The following NAA60 variants were observed in gnomAD, a reference collection of about 807,000 sequenced individuals.
The protein encoded by NAA60 is N-alpha-acetyltransferase 60, NatF catalytic subunit.
NAA60 carries 8 observed loss-of-function variants against 26.1 expected under a neutral mutation model. The ratio of observed to expected loss-of-function variants is 0.31; its 90% CI spans 0.18 to 0.55. NAA60 has a LOEUF of 0.55. NAA60 is among the 20% of genes least tolerant of loss of function. The pLI is 0.93. For missense variants in NAA60, 290 were observed against 311.3 expected (o/e 0.93, Z 0.51); for synonymous variants, 131 against 122.5 (o/e 1.07, Z -0.46).
intron 1 of NAA60, among the ~76,000 whole-genome samples, chr16:3,444,130 C>T (rs539479533): frequency 6.6e-6 from 1 of 152,264 alleles, no homozygotes; most frequent in Admixed American, 6.5e-5. Context: ...GGATCCCACG[C>T]GAGAATAGAG....
intron 2 of NAA60, among the ~76,000 whole-genome samples, chr16:3,471,137 A>G (rs2036112418): frequency 6.6e-6 from 1 of 152,206 alleles, no homozygotes; most frequent in Non-Finnish European, 1.5e-5. Context: ...AGGACATGAG[A>G]GATGCGAGCT....
chr16:3,447,049 G>A (rs1047698083), intron 1 of NAA60, among the ~76,000 whole-genome samples: 1 of 151,922 alleles, frequency 6.6e-6, no homozygotes, highest in Non-Finnish European at 1.5e-5. Flanking sequence ...CCCCATATTG[G>A]CCAGGCTGGT....
At chr16:3,461,194 TAGGATTAACATTCTGCTATGAACACTA>T (rs2035369982) in intron 2 of NAA60, among the ~76,000 whole-genome samples, 1 of 152,188 alleles carries the variant, frequency 6.6e-6, no homozygotes, top group Non-Finnish European at 1.5e-5. Flanking sequence ...GGGCATATAA[TAGGATTAACATTCTGCTATGAACACTA>T]AGGCATTTGC....
intron 1 of NAA60, among the ~76,000 whole-genome samples, chr16:3,444,360 A>C (rs1363732298): frequency 6.6e-6 from 1 of 152,184 alleles, no homozygotes. Context: ...AACAGCTCAG[A>C]GTGCCTCTCT....
intron 4 of NAA60, 98 bp downstream of exon 4, chr16:3,479,698 TC>T (rs1287412584): frequency 1.4e-6 from 2 of 1,426,910 alleles, no homozygotes; most frequent in African/African-American, 2.8e-5. Context: ...ACAGCCGTCG[TC>T]CAAGGAGCCT....
At chr16:3,484,444 G>T (rs748399687) in intron 6 of NAA60, 133 of 563,508 alleles carry the variant, frequency 2.4e-4, no homozygotes, top group Non-Finnish European at 3.7e-4. Context: ...ATCCCTGGGT[G>T]TGGTGTCCAC....
intron 3 of NAA60, 28 bp from the exon 4 acceptor site, chr16:3,479,443 G>A (rs1170248049): frequency 6.2e-7 from 1 of 1,611,290 alleles, no homozygotes; most frequent in African/African-American, 1.3e-5. Context: ...CCTGTGGCAG[G>A]TTCACCTGAG....
chr16:3,447,393 C>A, intron 1 of NAA60: 1 of 852,090 alleles, frequency 1.2e-6, no homozygotes. Flanking sequence ...GTAATCACTT[C>A]AAGGTAAATG....
At chr16:3,462,019 G>A (rs2035431480) in intron 2 of NAA60, among the ~76,000 whole-genome samples, 1 of 147,278 alleles carries the variant, frequency 6.8e-6, no homozygotes, top group African/African-American at 2.6e-5. Context: ...CCCAGGAGGT[G>A]GAGGTTGCAG....
chr16:3,480,034 G>A (rs1186953894), intron 4 of NAA60, among the ~76,000 whole-genome samples: 1 of 152,092 alleles, frequency 6.6e-6, no homozygotes, highest in Non-Finnish European at 1.5e-5. Context: ...TAACTTCACA[G>A]AGCCCTTTAA....
At chr16:3,457,681 G>A (rs2150956765) in intron 2 of NAA60, among the ~76,000 whole-genome samples, 1 of 152,358 alleles carries the variant, frequency 6.6e-6, no homozygotes, top group Middle Eastern at 3.4e-3. Flanking sequence ...AGGCCCTCGC[G>A]AGCTTAGGAT....
In NAA60 at chr16:3,486,633, T is replaced by G. The variant is rs143595718; in HGVS notation, c.*1373T>G. 1.3e-5 allele frequency: 2 copies of G among 152,114 alleles called. No homozygotes were observed. Among genetic ancestry groups the G allele is most frequent in the African/African-American group, 4.8e-5 (2 of 41,366 alleles). 9.4% of individuals were successfully genotyped at this position (152,114 alleles called of 1,614,324 possible). On this transcript the variant is annotated 3_prime_UTR_variant, in exon 8 of 8. Transcript: ENST00000407558. The stretch of plus-strand genomic sequence containing the variant: ...AGGAGGGCCGCGCCATGCTGACTGC[T>G]TGAACCTCTGCTGACCTGACAGTGC...
intron 2 of NAA60, among the ~76,000 whole-genome samples, chr16:3,466,448 A>G (rs1488820283): frequency 6.6e-6 from 1 of 152,244 alleles, no homozygotes; most frequent in Non-Finnish European, 1.5e-5. Flanking sequence ...GAAACAAGCC[A>G]TGCGCAGTGT....
intron 1 of NAA60, among the ~76,000 whole-genome samples, chr16:3,444,920 C>T (rs2034489163): frequency 6.6e-6 from 1 of 152,220 alleles, no homozygotes; most frequent in Non-Finnish European, 1.5e-5. Context: ...CCTTGATAAT[C>T]TACCTGCACA....
intron 1 of NAA60, among the ~76,000 whole-genome samples, chr16:3,444,246 C>G (rs2034460085): frequency 6.6e-6 from 1 of 152,046 alleles, no homozygotes; most frequent in Non-Finnish European, 1.5e-5. Flanking sequence ...AGGGAGTGCC[C>G]TGGTGTAGGC....
At chr16:3,482,904 G>A (rs1478752850) in intron 5 of NAA60, 1 of 516,896 alleles carries the variant, frequency 1.9e-6, no homozygotes, top group South Asian at 2.2e-5. Flanking sequence ...GCCGCCACAC[G>A]CACAACTCGT....
Position 3,482,617 on chromosome 16 carries a change from G to C in NAA60, c.337+19G>C, listed in dbSNP as rs773161851. On this transcript the variant is annotated intron_variant, in intron 5 of 7. Transcript: ENST00000407558. ...GGCATAGGTAAGGGCAGCCGGGCCCGCGGCTTGGCGCCCACCCCACCCCCT... is the reference window on the plus strand; with the variant it reads ...GGCATAGGTAAGGGCAGCCGGGCCCCCGGCTTGGCGCCCACCCCACCCCCT... The C allele has an allele frequency of 5.1e-6, 8 of 1,554,100 alleles. No individual in the cohort carries two copies. In the East Asian group the frequency reaches 1.9e-4, roughly 37 times the overall value.
In NAA60 at chr16:3,483,405, C is replaced by G. The variant is rs1170418894; in HGVS notation, c.380C>G (p.Thr127Ser). The change falls in exon 6 of 8, where the codon ACC becomes AGC. Residue 127 changes from threonine to serine, a missense_variant. By Grantham distance (58) the Thr-to-Ser change is moderately conservative. Coordinates refer to ENST00000407558, the MANE Select transcript of NAA60 (RefSeq NM_001083601.3). ...LESLKDHIST[T>S]AQDHCKAIYL... ...AGTTTAAAGGATCACATATCAACCACCGCCCAGGACCACTGCAAAGCCATT... is the reference window on the plus strand; with the variant it reads ...AGTTTAAAGGATCACATATCAACCAGCGCCCAGGACCACTGCAAAGCCATT... 1.2e-6 allele frequency: 2 copies of G among 1,613,502 alleles called. No individual in the cohort carries two copies. The highest frequency in any genetic ancestry group is 1.7e-6 in the Non-Finnish European group (2 of 1,179,740).
intron 4 of NAA60, among the ~76,000 whole-genome samples, chr16:3,480,959 C>T (rs1194143259): frequency 2.6e-5 from 4 of 152,108 alleles, no homozygotes; most frequent in Non-Finnish European, 4.4e-5. Flanking sequence ...TTTAAGGACC[C>T]GAATCCACTG....
Sources: allele counts gnomAD v4.1 joint callset (sites outside exome capture counted in the v4.1 genomes callset), GRCh38; gene constraint gnomAD v4.1.1; transcripts MANE v1.5; gene names NCBI Gene and HGNC (gene_info 2026-07-23, HGNC 2026-07-21).